RABL3: variants seen among roughly 807,000 people sequenced by gnomAD.
RABL3 encodes RAB, member of RAS oncogene family like 3.
A neutral mutation model predicts 31.8 loss-of-function variants in RABL3; 31 were observed. The observed-to-expected ratio is 0.97, with a 90% CI of 0.73 to 1.31. The LOEUF (loss-of-function observed/expected upper bound fraction) is 1.31. Among genes scored for constraint, RABL3 ranks in the 40% most tolerant of loss-of-function variants. RABL3 has a pLI of 0.00. For missense variants in RABL3, 263 were observed against 279.6 expected (o/e 0.94, Z 0.42); for synonymous variants, 97 against 99.9 (o/e 0.97, Z 0.18).
intron 1 of RABL3, among the ~76,000 whole-genome samples, chr3:120,740,555 T>C (rs1709028886): frequency 6.6e-6 from 1 of 152,162 alleles, no homozygotes; most frequent in African/African-American, 2.4e-5. Flanking sequence ...AGCCACCTTG[T>C]CTGGCTAAGT....
In RABL3 at chr3:120,717,920, A is replaced by G. The variant is rs531689668; in HGVS notation, c.139-8011T>C. Among the ~76,000 whole-genome samples, 15 of 152,326 alleles carry G rather than the reference A, an allele frequency of 9.8e-5. No individual in the cohort carries two copies. In the South Asian group the frequency reaches 2.9e-3, roughly 29 times the overall value. On this transcript the variant is annotated intron_variant, in intron 2 of 7. Coordinates refer to ENST00000273375, the MANE Select transcript of RABL3 (RefSeq NM_173825.5). The stretch of plus-strand genomic sequence containing the variant: ...GACAAAATCAAGTCTCCACTCTCAC[A>G]TACAGGGGACTGCTGAGATAAAGTT...
chr3:120,707,453 CTAATT>C (rs1234603770), intron 3 of RABL3, among the ~76,000 whole-genome samples: 5 of 152,022 alleles, frequency 3.3e-5, no homozygotes, highest in Admixed American at 3.3e-4. Context: ...CATGTGTTAT[CTAATT>C]TAATTTTCAG....
chr3:120,742,151 CCTG>C (rs1338120624), intron 1 of RABL3, among the ~76,000 whole-genome samples: 3 of 150,754 alleles, frequency 2.0e-5, no homozygotes, highest in Admixed American at 6.6e-5. Flanking sequence ...ATACTCAATG[CCTG>C]CTTTTTTTTT....
chr3:120,704,568 A>G (rs1708528019), intron 4 of RABL3, among the ~76,000 whole-genome samples: 1 of 152,224 alleles, frequency 6.6e-6, no homozygotes, highest in Admixed American at 6.5e-5. Context: ...AGTTGCTGCC[A>G]GTGCGAAAAG....
intron 4 of RABL3, among the ~76,000 whole-genome samples, chr3:120,705,116 T>C (rs915704699): frequency 6.6e-6 from 1 of 152,150 alleles, no homozygotes; most frequent in Admixed American, 6.6e-5. Flanking sequence ...ATGCACAGGA[T>C]TTGTATGCTG....
At chr3:120,742,344 T>C (rs1299743188) in intron 1 of RABL3, 118 bp downstream of exon 1, 1 of 940,810 alleles carries the variant, frequency 1.1e-6, no homozygotes, top group Non-Finnish European at 1.7e-6. Flanking sequence ...CTTCAGGCCC[T>C]GGGAGGGACT....
In RABL3 at chr3:120,720,714, C is replaced by T. The variant is rs367622283; in HGVS notation, c.138+9982G>A. 1.4e-3 allele frequency among the ~76,000 whole-genome samples: 216 copies of T among 152,306 alleles called. 2 individuals carry two copies. The highest frequency in any genetic ancestry group is 4.5e-3 in the African/African-American group (187 of 41,586). On this transcript the variant is annotated intron_variant, in intron 2 of 7. Transcript: ENST00000273375. ...AAGACCAAATCTATGTCTGACTGGTCTACCTGAAAGTGACAGGGAGAATGG... is the reference window on the plus strand; with the variant it reads ...AAGACCAAATCTATGTCTGACTGGTTTACCTGAAAGTGACAGGGAGAATGG...
chr3:120,706,103 C>T lies in RABL3; in HGVS notation c.280G>A (p.Val94Ile), dbSNP rs755345084. 14 of 1,598,690 alleles carry T rather than the reference C, an allele frequency of 8.8e-6. No individual in the cohort carries two copies. Among genetic ancestry groups the T allele is most frequent in the East Asian group, 2.2e-5 (1 of 44,782 alleles). The change falls in exon 4 of 8, where the codon GTA becomes ATA. Residue 94 changes from valine to isoleucine, a missense_variant. Physicochemically the swap from Val to Ile is conservative, Grantham distance 29. Transcript: ENST00000273375. Reference protein sequence around the residue: ...FYNSVNGIIFVHDLTNKKSSQ... With the variant: ...FYNSVNGIIFIHDLTNKKSSQ... ...GACTTCTTATTTGTTAAGTCGTGTA[C>T]GAAAATAATACCTAAAATAATCAGA...
At chr3:120,714,696 A>G (rs1202973814) in intron 2 of RABL3, among the ~76,000 whole-genome samples, 1 of 152,134 alleles carries the variant, frequency 6.6e-6, no homozygotes, top group African/African-American at 2.4e-5. Flanking sequence ...ACTTTACAAC[A>G]TATCCAGTAT....
intron 4 of RABL3, among the ~76,000 whole-genome samples, chr3:120,700,864 A>G (rs1333327596): frequency 2.6e-5 from 4 of 152,208 alleles, no homozygotes; most frequent in Non-Finnish European, 5.9e-5. Context: ...TTGTATTTAC[A>G]TATGTTTAAA....
intron 3 of RABL3, among the ~76,000 whole-genome samples, chr3:120,708,972 T>G (rs756098351): frequency 1.3e-5 from 2 of 151,972 alleles, no homozygotes; most frequent in Non-Finnish European, 2.9e-5. Flanking sequence ...ACATACTGAA[T>G]AAATGCAATG....
At chr3:120,699,816 C>A (rs563717427) in intron 4 of RABL3, among the ~76,000 whole-genome samples, 1 of 152,208 alleles carries the variant, frequency 6.6e-6, no homozygotes, top group Non-Finnish European at 1.5e-5. Context: ...TGCATCAAAG[C>A]CAATAATAGC....
At chr3:120,732,349 T>C (rs1214095756) in intron 1 of RABL3, among the ~76,000 whole-genome samples, 1 of 152,134 alleles carries the variant, frequency 6.6e-6, no homozygotes, top group African/African-American at 2.4e-5. Context: ...GCATCCACTA[T>C]TCTCTGGGCC....
chr3:120,723,647 C>T (rs540286844), intron 2 of RABL3, among the ~76,000 whole-genome samples: 80 of 152,180 alleles, frequency 5.3e-4, no homozygotes, highest in Non-Finnish European at 8.7e-4. Context: ...GTTCAACATA[C>T]GCAAATCAAT....
intron 2 of RABL3, among the ~76,000 whole-genome samples, chr3:120,719,880 C>T (rs1708716181): frequency 6.6e-6 from 1 of 152,182 alleles, no homozygotes; most frequent in Admixed American, 6.5e-5. Flanking sequence ...AATGGACAGA[C>T]TGCCTCCTCA....
chr3:120,713,000 A>T (rs1347128875), intron 2 of RABL3, among the ~76,000 whole-genome samples: 2 of 152,014 alleles, frequency 1.3e-5, no homozygotes, highest in Non-Finnish European at 2.9e-5. Context: ...ATTCTGATAC[A>T]TGATTAAGTT....
chr3:120,728,670 T>C (rs1708849542), intron 2 of RABL3, among the ~76,000 whole-genome samples: 1 of 151,984 alleles, frequency 6.6e-6, no homozygotes, highest in African/African-American at 2.4e-5. Context: ...ACCTGCACAT[T>C]GTGCACATGT....
At chr3:120,701,131 A>G (rs975930349) in intron 4 of RABL3, among the ~76,000 whole-genome samples, 6 of 152,110 alleles carry the variant, frequency 3.9e-5, no homozygotes, top group African/African-American at 1.4e-4. Flanking sequence ...TTCTTATACA[A>G]TAGGAGGTAT....
At chr3:120,704,343 A>G (rs1708525279) in intron 4 of RABL3, among the ~76,000 whole-genome samples, 1 of 152,222 alleles carries the variant, frequency 6.6e-6, no homozygotes, top group South Asian at 2.1e-4. Context: ...TGATGCAGAA[A>G]AGGCTTTTGA....
Sources: gnomAD v4.1 joint callset for allele counts (sites outside exome capture counted in the v4.1 genomes callset) on GRCh38, gnomAD v4.1.1 for gene constraint, MANE v1.5 for transcripts, NCBI Gene and HGNC (gene_info 2026-07-23, HGNC 2026-07-21) for gene names.